Variants in CIT observed in about 807,000 individuals in gnomAD.
CIT encodes citron rho-interacting serine/threonine kinase.
In CIT, 79 loss-of-function variants were observed where a neutral mutation model predicts 272.7. That is an observed-to-expected ratio of 0.29 (90% confidence interval 0.24 to 0.35). CIT has a LOEUF of 0.35. Among genes scored for constraint, CIT ranks in the 10% least tolerant of loss-of-function variants. The pLI is 1.00. For missense variants in CIT, 1,909 were observed against 2,618.3 expected, an observed-to-expected ratio of 0.73 and a Z score of 5.91; for synonymous variants, 948 against 995.6, an observed-to-expected ratio of 0.95 and a Z score of 0.90.
chr12:119,845,945 C>CACACACACACACACAA (rs1969776597), intron 5 of CIT, among the ~76,000 whole-genome samples: 1 of 136,340 alleles, frequency 7.3e-6, no homozygotes, highest in African/African-American at 2.7e-5. Flanking sequence ...CATCTCAAAA[C>CACACACACACACACAA]ACACACACAC....
Position 119,804,318 on chromosome 12 carries a change from A to G in CIT, c.1112-929T>C. 6.1e-6 allele frequency: 6 copies of G among 985,358 alleles called. No homozygotes were observed. The highest frequency in any genetic ancestry group is 7.2e-6 in the Non-Finnish European group (6 of 829,966). 61.0% of individuals were successfully genotyped at this position (985,358 alleles called of 1,614,324 possible). A position where few individuals can be genotyped will look rare whatever the true frequency, so the allele number is the denominator to read the frequency against. On this transcript the variant is annotated intron_variant, in intron 9 of 47. Transcript: ENST00000392521. This position sits in a 1 kb window ranked among gnomAD's most constrained non-coding sequence, Gnocchi z 5.3. ...CTCCCGGGGGTGTCCCCCGCCAGAA[A>G]CGTTACCATGGTTGCAAGCTGAGGC...
chr12:119,752,972 A>T (rs1202864271), intron 22 of CIT, among the ~76,000 whole-genome samples: 1 of 152,184 alleles, frequency 6.6e-6, no homozygotes, highest in Non-Finnish European at 1.5e-5. Context: ...TGGGTAGAGG[A>T]GCTAACTCTG....
At chr12:119,856,127 C>T (rs1251471388) in intron 4 of CIT, among the ~76,000 whole-genome samples, 1 of 152,204 alleles carries the variant, frequency 6.6e-6, no homozygotes, top group African/African-American at 2.4e-5. Context: ...TCCTGCCCTC[C>T]GCTGCTTCTC....
At chr12:119,725,659 T>C (rs547237792) in intron 28 of CIT, among the ~76,000 whole-genome samples, 34 of 152,282 alleles carry the variant, frequency 2.2e-4, no homozygotes, top group Non-Finnish European at 4.7e-4. Context: ...GTGAGGAACA[T>C]CCTGGGAAAC....
chr12:119,729,094 A>G (rs1040747301), intron 27 of CIT, among the ~76,000 whole-genome samples: 4 of 152,246 alleles, frequency 2.6e-5, no homozygotes, highest in African/African-American at 9.6e-5. Flanking sequence ...TTAGGAGAAG[A>G]TCAAGACAAT....
chr12:119,874,063 CTTTTG>C (rs1017297971), intron 2 of CIT, among the ~76,000 whole-genome samples: 8 of 151,648 alleles, frequency 5.3e-5, no homozygotes, highest in African/African-American at 1.5e-4. Flanking sequence ...TTTTTGTTTT[CTTTTG>C]TTTTGTTTTG....
At chr12:119,848,620 A>G (rs1216332110) in intron 5 of CIT, among the ~76,000 whole-genome samples, 6 of 152,258 alleles carry the variant, frequency 3.9e-5, no homozygotes, top group Non-Finnish European at 5.9e-5. Flanking sequence ...ACTGACAAGG[A>G]AGAAAGGATG....
At chr12:119,745,818 T>C (rs1465972248) in intron 23 of CIT, among the ~76,000 whole-genome samples, 4 of 46,476 alleles carry the variant, frequency 8.6e-5, no homozygotes, top group Non-Finnish European at 1.4e-4. Context: ...AAAAAATACA[T>C]AAAATACCAA....
chr12:119,745,400 A>AAAAAAAAAAAAAC (rs1555231402), intron 23 of CIT, among the ~76,000 whole-genome samples: 2 of 143,660 alleles, frequency 1.4e-5, no homozygotes, highest in Non-Finnish European at 3.1e-5. Flanking sequence ...AAAAAAAAAC[A>AAAAAAAAAAAAAC]CCTGTCCACA....
At chr12:119,736,616 A>G (rs1221806979) in intron 24 of CIT, among the ~76,000 whole-genome samples, 2 of 152,266 alleles carry the variant, frequency 1.3e-5, no homozygotes, top group Non-Finnish European at 2.9e-5. Flanking sequence ...AATAAAAGTT[A>G]TCTGGTCAGG....
At chr12:119,730,682 C>T (rs886174721) in intron 26 of CIT, 52 bp from the exon 27 acceptor site, 15 of 1,583,032 alleles carry the variant, frequency 9.5e-6, no homozygotes, top group Admixed American at 1.7e-5. Context: ...AGCTGACCTG[C>T]GGAAAGAAGG....
chr12:119,788,635 G>A (rs1419619391), intron 10 of CIT, among the ~76,000 whole-genome samples: 2 of 152,052 alleles, frequency 1.3e-5, no homozygotes. Flanking sequence ...CACCGCTGTG[G>A]GTACAAAACA....
At chr12:119,814,179 GAAT>G (rs1325700852) in intron 9 of CIT, among the ~76,000 whole-genome samples, 2 of 152,060 alleles carry the variant, frequency 1.3e-5, no homozygotes, top group African/African-American at 2.4e-5. Flanking sequence ...GAATAAAGTA[GAAT>G]ATTACATATT....
At chr12:119,854,742 A>C (rs1292088973) in intron 4 of CIT, among the ~76,000 whole-genome samples, 1 of 151,728 alleles carries the variant, frequency 6.6e-6, no homozygotes, top group African/African-American at 2.4e-5. Flanking sequence ...CAAGGTCAGG[A>C]GTTCGAGACC....
intron 7 of CIT, among the ~76,000 whole-genome samples, chr12:119,826,024 C>A (rs535537375): frequency 6.6e-6 from 1 of 151,968 alleles, no homozygotes; most frequent in South Asian, 2.1e-4. Flanking sequence ...GCCAAGATTG[C>A]GCCATTACAC....
At chr12:119,868,710 G>C (rs1481573305) in intron 3 of CIT, among the ~76,000 whole-genome samples, 2 of 152,102 alleles carry the variant, frequency 1.3e-5, no homozygotes, top group Non-Finnish European at 2.9e-5. Flanking sequence ...GCTAATTTTT[G>C]TATTTTTTGT....
intron 22 of CIT, among the ~76,000 whole-genome samples, chr12:119,756,659 G>C (rs1010505538): frequency 6.6e-6 from 1 of 152,148 alleles, no homozygotes; most frequent in Non-Finnish European, 1.5e-5. Flanking sequence ...CACTACTGGG[G>C]CGTGGGAAGA....
intron 10 of CIT, among the ~76,000 whole-genome samples, chr12:119,788,244 ACTCT>A (rs1480955439): frequency 6.6e-6 from 1 of 151,876 alleles, no homozygotes; most frequent in Non-Finnish European, 1.5e-5. Flanking sequence ...ACACACACAC[ACTCT>A]CTCTCTTTTC....
At chr12:119,813,852 C>A (rs1040559194) in intron 9 of CIT, among the ~76,000 whole-genome samples, 5 of 152,092 alleles carry the variant, frequency 3.3e-5, no homozygotes, top group African/African-American at 1.2e-4. Flanking sequence ...TATGGGAAAC[C>A]CAGTGGTGAA....
Sources: gnomAD v4.1 joint callset for allele counts (sites outside exome capture counted in the v4.1 genomes callset) on GRCh38, gnomAD v4.1.1 for gene constraint, Gnocchi (gnomAD v3.1) non-coding constraint, MANE v1.5 for transcripts, NCBI Gene and HGNC (gene_info 2026-07-23, HGNC 2026-07-21) for gene names.